The following LRRC43 variants were observed in gnomAD, a reference collection of about 807,000 sequenced individuals.
The protein encoded by LRRC43 is leucine rich repeat containing 43.
In LRRC43, 62 loss-of-function variants were observed where a neutral mutation model predicts 64.3. The observed-to-expected ratio is 0.96, with a 90% CI of 0.79 to 1.19. LRRC43 has a LOEUF of 1.19. Among genes scored for constraint, LRRC43 ranks in the 50% most tolerant of loss-of-function variants. The pLI is 0.00. For synonymous variants in LRRC43, 422 were observed against 382.3 expected (o/e 1.10, Z -1.21); for missense variants, 868 against 845.0 (o/e 1.03, Z -0.34).
intron 7 of LRRC43, among the ~76,000 whole-genome samples, chr12:122,196,632 G>A (rs1474474988): frequency 1.3e-5 from 2 of 151,928 alleles, no homozygotes; most frequent in Non-Finnish European, 2.9e-5. Context: ...ATCTGGGCAT[G>A]GTGGCACATG....
Position 122,190,287 on chromosome 12 carries a change from C to T in LRRC43, c.820C>T (p.Leu274=). The change falls in exon 5 of 12, where the codon CTG becomes TTG. Residue 274 remains leucine, a synonymous_variant. Coordinates refer to ENST00000339777, the MANE Select transcript of LRRC43 (RefSeq NM_001098519.2). The stretch of plus-strand genomic sequence containing the variant: ...CTACCGCGGCCTCACCATCGACAGC[C>T]TGGCCCAGCTCTGCGTGCTGGACGA... ...PYYRGLTIDS[L]AQLCVLDDIT... The T allele has an allele frequency of 6.2e-7, 1 of 1,614,212 alleles. No individual in the cohort carries two copies. The highest frequency in any genetic ancestry group is 8.5e-7 in the Non-Finnish European group (1 of 1,180,044).
chr12:122,187,721 T>C lies in LRRC43; in HGVS notation c.543T>C (p.Asn181=), dbSNP rs1414620912. The C allele has an allele frequency of 1.9e-6, 3 of 1,605,598 alleles. No homozygotes were observed. Among genetic ancestry groups the C allele is most frequent in the East Asian group, 4.5e-5 (2 of 44,772 alleles). The change falls in exon 4 of 12, where the codon AAT becomes AAC. Residue 181 remains asparagine, a synonymous_variant. Coordinates refer to ENST00000339777, the MANE Select transcript of LRRC43 (RefSeq NM_001098519.2). ...PTLKVLELYG[N]EISSMECLCA... is the part of the protein sequence containing the mutation. Reference sequence around the variant, plus strand: ...CCCAGGTGCTGGAGCTCTACGGCAATGAGATCAGCAGCATGGAGTGTCTGT... The same window carrying C: ...CCCAGGTGCTGGAGCTCTACGGCAACGAGATCAGCAGCATGGAGTGTCTGT...
chr12:122,186,057 C>T (rs1346600801), intron 2 of LRRC43, 133 bp from the exon 3 acceptor site: 11 of 627,626 alleles, frequency 1.8e-5, no homozygotes, highest in African/African-American at 1.5e-4. Flanking sequence ...GAACGGCTTC[C>T]GGGGAGCAGG....
chr12:122,194,997 T>C (rs2136053488), intron 7 of LRRC43, among the ~76,000 whole-genome samples: 1 of 150,712 alleles, frequency 6.6e-6, no homozygotes, highest in African/African-American at 2.5e-5. Context: ...TGATCTTTGT[T>C]TTTTATGTGA....
In LRRC43 at chr12:122,200,483, G is replaced by T. The variant is rs746752047; in HGVS notation, c.1492-49G>T. 4 of 1,613,538 alleles carry T rather than the reference G, an allele frequency of 2.5e-6. No homozygotes were observed. Among genetic ancestry groups the T allele is most frequent in the Non-Finnish European group, 3.4e-6 (4 of 1,179,698 alleles). On this transcript the variant is annotated intron_variant, in intron 8 of 11. Coordinates refer to ENST00000339777, the MANE Select transcript of LRRC43 (RefSeq NM_001098519.2). The surrounding 1 kb of genome is among the most constrained non-coding windows in gnomAD (Gnocchi z 4.6). ...AAGGGTGAGGGAGAGGTGACCCCAGGCAGCCCGCCTGGGCCTCTGCTCACT... is the reference window on the plus strand; with the variant it reads ...AAGGGTGAGGGAGAGGTGACCCCAGTCAGCCCGCCTGGGCCTCTGCTCACT...
rs1953600255 is a variant in LRRC43 at position 122,183,195 on chromosome 12, TG to T, written c.54del (p.Thr19LeufsTer9). Reference sequence around the variant, plus strand: ...CCGAGTCCGAGTCTGAGGCCGGGCCTGGGACTCAGCGGCCCGGGACCGGGAC... The same window carrying T: ...CCGAGTCCGAGTCTGAGGCCGGGCCTGGACTCAGCGGCCCGGGACCGGGAC... ...ESESESEAGPGTQRPGTGTVS... is the reference protein window; with the variant it reads ...ESESESEAGPXTQRPGTGTVS... On this transcript the variant is annotated frameshift_variant, in exon 1 of 12. Transcript: ENST00000339777. LOFTEE classifies it high-confidence loss of function. 1 of 1,562,392 alleles carries T rather than the reference TG, an allele frequency of 6.4e-7. No individual in the cohort carries two copies.
upstream of LRRC43, among the ~76,000 whole-genome samples, chr12:122,180,100 A>C (rs981774631): frequency 4.6e-5 from 7 of 152,336 alleles, no homozygotes; most frequent in African/African-American, 7.2e-5. Context: ...GAAGAGGTCA[A>C]ATAAGATAAA....
chr12:122,169,998 G>T (rs377407379), intron 1 of LRRC43, among the ~76,000 whole-genome samples: 1 of 151,870 alleles, frequency 6.6e-6, no homozygotes, highest in East Asian at 2.0e-4. Context: ...GTGGAGATGG[G>T]ATTTCGCCAT....
At chr12:122,186,343 GC>G in intron 3 of LRRC43, 43 bp downstream of exon 3, 1 of 1,288,848 alleles carries the variant, frequency 7.8e-7, no homozygotes, top group Non-Finnish European at 1.1e-6. Flanking sequence ...GGCCTCCGCT[GC>G]CCAGAGGCCT....
rs755489169 is a variant in LRRC43 at position 122,186,181 on chromosome 12, C to T, written c.412-9C>T. ...GCTACAGCCCTCAGCTTCCTCTCCC[C>T]TCTTCCAGGTCACCCTGGTGGATAA... On this transcript the variant is annotated splice_polypyrimidine_tract_variant and intron_variant, in intron 2 of 11. Transcript: ENST00000339777. 3.2e-6 allele frequency: 5 copies of T among 1,538,578 alleles called. No homozygotes were observed. The Admixed American group carries it at 7.3e-5, about 23-fold the overall frequency.
chr12:122,180,796 C>T (rs2136024293), upstream of LRRC43, among the ~76,000 whole-genome samples: 1 of 152,286 alleles, frequency 6.6e-6, no homozygotes, highest in Admixed American at 6.5e-5. Context: ...GCTTGATTTC[C>T]CCTCTCAGTC....
chr12:122,193,254 G>C (rs1467673688), intron 7 of LRRC43, among the ~76,000 whole-genome samples: 1 of 151,790 alleles, frequency 6.6e-6, no homozygotes, highest in Non-Finnish European at 1.5e-5. Flanking sequence ...GGTGGCAGGC[G>C]CCTGTAGTCC....
intron 1 of LRRC43, among the ~76,000 whole-genome samples, chr12:122,173,032 T>C (rs1413248138): frequency 6.6e-6 from 1 of 152,120 alleles, no homozygotes; most frequent in African/African-American, 2.4e-5. Context: ...TTGCAGCACA[T>C]CTGGCCTTCC....
chr12:122,203,408 C>T lies in LRRC43; in HGVS notation c.1937C>T (p.Ser646Leu). Residue 646 changes from serine to leucine, a missense_variant, in exon 12 of 12, where the codon TCG (serine) becomes TTG (leucine). Physicochemically the swap from Ser to Leu is moderately radical, Grantham distance 145. Transcript: ENST00000339777. ...CAGATCCAGCTGAACCAGTGCCGCT[C>T]GGCGGAGGAGGCTCTGCGCATGTTC... ...EVQIQLNQCR[S>L]AEEALRMFAV The T allele has an allele frequency of 6.2e-7, 1 of 1,612,258 alleles. No individual in the cohort carries two copies. The highest frequency in any genetic ancestry group is 1.3e-5 in the African/African-American group (1 of 75,008).
chr12:122,187,766 C>T lies in LRRC43; in HGVS notation c.588C>T (p.Gly196=). The change falls in exon 4 of 12, where the codon GGC becomes GGT. Residue 196 remains glycine (G), a synonymous_variant. Transcript: ENST00000339777. The part of the protein sequence containing the change: ...MECLCAHPPA[G]LQHLGLGHNK... ...GTCTGTGTGCCCACCCACCCGCCGGCCTGCAGCACTTGGGGTTAGGCCACA... is the reference window on the plus strand; with the variant it reads ...GTCTGTGTGCCCACCCACCCGCCGGTCTGCAGCACTTGGGGTTAGGCCACA... 4 of 1,614,104 alleles carry T rather than the reference C, an allele frequency of 2.5e-6. No homozygotes were observed. Among genetic ancestry groups the T allele is most frequent in the Non-Finnish European group, 3.4e-6 (4 of 1,180,012 alleles).
chr12:122,191,464 C>A lies in LRRC43; in HGVS notation c.986C>A (p.Pro329His), dbSNP rs1340610645. 1 of 1,614,110 alleles carries A rather than the reference C, an allele frequency of 6.2e-7. No individual in the cohort carries two copies. ...VLDTSVLDPE[P>H]RPEGPFITYN... Reference sequence around the variant, plus strand: ...GACACCTCTGTCTTAGACCCGGAACCCAGGCCCGAAGGCCCTTTCATCACT... The same window carrying A: ...GACACCTCTGTCTTAGACCCGGAACACAGGCCCGAAGGCCCTTTCATCACT... The change falls in exon 6 of 12, where the codon CCC becomes CAC. Residue 329 changes from proline (P) to histidine (H), a missense_variant. Coordinates refer to ENST00000339777, the MANE Select transcript of LRRC43 (RefSeq NM_001098519.2).
chr12:122,190,668 G>A (rs572155621), intron 5 of LRRC43, among the ~76,000 whole-genome samples: 16 of 152,266 alleles, frequency 1.1e-4, no homozygotes, highest in African/African-American at 3.1e-4. Flanking sequence ...TTTGAGACCA[G>A]CCTGGCCAAC....
At chr12:122,175,355 A>G (rs889969315) in intron 1 of LRRC43, among the ~76,000 whole-genome samples, 4 of 151,714 alleles carry the variant, frequency 2.6e-5, no homozygotes, top group Non-Finnish European at 4.4e-5. Flanking sequence ...TTTTTAGTAG[A>G]GACGGGGTTC....
chr12:122,181,325 C>G (rs1161220955), upstream of LRRC43, among the ~76,000 whole-genome samples: 1 of 151,884 alleles, frequency 6.6e-6, no homozygotes, highest in Non-Finnish European at 1.5e-5. Flanking sequence ...GGGCGGATGA[C>G]GAGGTCAGGA....
Sources: gnomAD v4.1 joint callset for allele counts (sites outside exome capture counted in the v4.1 genomes callset) on GRCh38, gnomAD v4.1.1 for gene constraint, Gnocchi (gnomAD v3.1) non-coding constraint, MANE v1.5 for transcripts, NCBI Gene and HGNC (gene_info 2026-07-23, HGNC 2026-07-21) for gene names.